The following PSMD14 variants were observed in gnomAD, a reference collection of about 807,000 sequenced individuals.
PSMD14 encodes the protein proteasome 26S subunit, non-ATPase 14.
In PSMD14, 7 loss-of-function variants were observed where a neutral mutation model predicts 41.2. The ratio of observed to expected loss-of-function variants is 0.17; its 90% CI spans 0.10 to 0.32. PSMD14 has a LOEUF of 0.32. PSMD14 is among the 10% of genes least tolerant of loss of function. PSMD14 has a pLI of 1.00. For missense variants in PSMD14, 139 were observed against 375.6 expected, an observed-to-expected ratio of 0.37 and a Z score of 5.21; for synonymous variants, 114 against 122.3, an observed-to-expected ratio of 0.93 and a Z score of 0.45.
intron 3 of PSMD14, among the ~76,000 whole-genome samples, chr2:161,325,423 T>G (rs1246844029): frequency 2.0e-5 from 3 of 152,222 alleles, no homozygotes; most frequent in Non-Finnish European, 2.9e-5. Context: ...TTTCTTATTG[T>G]GGTGGTTGGG....
chr2:161,315,609 A>C (rs1043205409), intron 1 of PSMD14, among the ~76,000 whole-genome samples: 5 of 152,148 alleles, frequency 3.3e-5, no homozygotes, highest in Admixed American at 2.0e-4. Context: ...CTATTGCATT[A>C]TTTTCCATAT....
chr2:161,359,529 C>T (rs1429991997), intron 3 of PSMD14, among the ~76,000 whole-genome samples: 1 of 151,690 alleles, frequency 6.6e-6, no homozygotes, highest in African/African-American at 2.4e-5. Flanking sequence ...TGGAAAAAGG[C>T]ATATTTTAAT....
At chr2:161,312,491 C>G (rs919849512) in intron 1 of PSMD14, among the ~76,000 whole-genome samples, 71 of 152,166 alleles carry the variant, frequency 4.7e-4, no homozygotes, top group African/African-American at 1.6e-3. Context: ...CTAGCAATAT[C>G]AGGTTCTAAT....
intron 3 of PSMD14, among the ~76,000 whole-genome samples, chr2:161,362,567 C>T (rs1474316870): frequency 6.6e-6 from 1 of 152,126 alleles, no homozygotes; most frequent in Non-Finnish European, 1.5e-5. Flanking sequence ...ATTTTCTGAG[C>T]CCTTACACAT....
intron 7 of PSMD14, among the ~76,000 whole-genome samples, chr2:161,371,665 A>G (rs1683435761): frequency 6.6e-6 from 1 of 152,112 alleles, no homozygotes; most frequent in South Asian, 2.1e-4. Flanking sequence ...TTATTTTCAA[A>G]TGATGAATTT....
intron 7 of PSMD14, chr2:161,384,989 C>G (rs1683615480): frequency 6.6e-6 from 1 of 152,028 alleles, no homozygotes; most frequent in African/African-American, 2.4e-5. Context: ...AATATGTGGG[C>G]AAGTGCCTTG....
At chr2:161,394,192 G>A (rs1355329998) in intron 9 of PSMD14, among the ~76,000 whole-genome samples, 6 of 151,880 alleles carry the variant, frequency 4.0e-5, no homozygotes, top group South Asian at 2.1e-4. Flanking sequence ...GGCTGGTCTC[G>A]AATTCCTGAC....
chr2:161,348,550 A>G (rs62194491), intron 3 of PSMD14, among the ~76,000 whole-genome samples: 10,358 of 152,304 alleles, frequency 0.068, 484 homozygotes, highest in East Asian at 0.18. Flanking sequence ...AGTATTGAAA[A>G]ATGAATAATC....
At position 161,408,848 on chromosome 2, in the gene PSMD14, A is replaced by G. The variant is rs1683988940; in HGVS notation, c.783A>G (p.Glu261=). The G allele has an allele frequency of 1.2e-6, 2 of 1,605,168 alleles. No homozygotes were observed. Among genetic ancestry groups the G allele is most frequent in the Non-Finnish European group, 8.5e-7 (1 of 1,173,276 alleles). Residue 261 remains glutamate (E), a synonymous_variant, in exon 11 of 12, where the codon GAA becomes GAG. Coordinates refer to ENST00000409682, the MANE Select transcript of PSMD14 (RefSeq NM_005805.6). ...LAKNYNKAVE[E]EDKMTPEQLA... is the part of the protein sequence containing the mutation. ...TGTTTCATTCACAGGCTGTAGAAGA[A>G]GAAGATAAGATGACACCTGAACAGC...
chr2:161,311,761 C>A (rs1302198660), intron 1 of PSMD14, among the ~76,000 whole-genome samples: 1 of 151,352 alleles, frequency 6.6e-6, no homozygotes, highest in Non-Finnish European at 1.5e-5. Flanking sequence ...ATTACAGGTG[C>A]CTGCCATCAC....
chr2:161,375,476 T>C (rs781355918), intron 7 of PSMD14, among the ~76,000 whole-genome samples: 3 of 151,940 alleles, frequency 2.0e-5, no homozygotes, highest in Non-Finnish European at 2.9e-5. Flanking sequence ...GAGAAATCAG[T>C]TGTAGGTTGC....
At chr2:161,358,195 A>G (rs531526822) in intron 3 of PSMD14, among the ~76,000 whole-genome samples, 43 of 152,258 alleles carry the variant, frequency 2.8e-4, no homozygotes, top group Middle Eastern at 3.4e-3. Context: ...TAATTTCTCA[A>G]TAAATAAAAC....
chr2:161,320,344 T>A (rs1277290302), intron 3 of PSMD14, among the ~76,000 whole-genome samples: 2 of 152,216 alleles, frequency 1.3e-5, no homozygotes, highest in East Asian at 3.8e-4. Context: ...ATAATGGTTT[T>A]ACTGACCACA....
intron 2 of PSMD14, among the ~76,000 whole-genome samples, chr2:161,318,571 A>G (rs1455062721): frequency 5.3e-5 from 8 of 152,214 alleles, no homozygotes; most frequent in African/African-American, 1.9e-4. Flanking sequence ...TTTTGAAAGT[A>G]TGCTAAGATT....
intron 5 of PSMD14, among the ~76,000 whole-genome samples, chr2:161,369,488 A>G (rs1321799534): frequency 6.6e-6 from 1 of 152,036 alleles, no homozygotes; most frequent in Non-Finnish European, 1.5e-5. Flanking sequence ...TTCAATATGC[A>G]TACTGTTTGT....
intron 3 of PSMD14, among the ~76,000 whole-genome samples, chr2:161,365,136 C>A (rs1683341929): frequency 6.6e-6 from 1 of 152,108 alleles, no homozygotes; most frequent in South Asian, 2.1e-4. Flanking sequence ...AGCACTCATA[C>A]AATAAACAGC....
intron 8 of PSMD14, among the ~76,000 whole-genome samples, chr2:161,387,887 T>C (rs1574138439): frequency 6.6e-6 from 1 of 152,038 alleles, no homozygotes; most frequent in Non-Finnish European, 1.5e-5. Context: ...ATGTTTTATA[T>C]AATAGAAGCC....
chr2:161,320,056 T>C (rs763005842), intron 3 of PSMD14, among the ~76,000 whole-genome samples: 1 of 152,196 alleles, frequency 6.6e-6, no homozygotes, highest in Non-Finnish European at 1.5e-5. Context: ...CCTGAACCTG[T>C]TTCCATTCTT....
At chr2:161,377,129 G>T (rs892716814) in intron 7 of PSMD14, among the ~76,000 whole-genome samples, 1 of 151,894 alleles carries the variant, frequency 6.6e-6, no homozygotes, top group Non-Finnish European at 1.5e-5. Flanking sequence ...AGTAGGAAAA[G>T]ATATTTAGCA....
Sources: gnomAD v4.1 joint callset for allele counts (sites outside exome capture counted in the v4.1 genomes callset) on GRCh38, gnomAD v4.1.1 for gene constraint, MANE v1.5 for transcripts, NCBI Gene and HGNC (gene_info 2026-07-23, HGNC 2026-07-21) for gene names.